PCDHA8: variants seen among roughly 807,000 people sequenced by gnomAD.
PCDHA8 encodes the protein protocadherin alpha 8.
A neutral mutation model predicts 61.8 loss-of-function variants in PCDHA8; 53 were observed. The ratio of observed to expected loss-of-function variants is 0.86; its 90% CI spans 0.69 to 1.08. PCDHA8 has a LOEUF of 1.08. PCDHA8 is among the 50% of genes least tolerant of loss of function. The pLI is 0.00. For synonymous variants in PCDHA8, 618 were observed against 556.6 expected (o/e 1.11, Z -1.55); for missense variants, 1,293 against 1,245.0 (o/e 1.04, Z -0.58).
intron 1 of PCDHA8, chr5:140,861,856 A>G (rs1225378019): frequency 1.3e-5 from 2 of 156,674 alleles, no homozygotes; most frequent in Admixed American, 1.3e-4. Context: ...TGGTGCTCAA[A>G]GCAACTGATG....
intron 1 of PCDHA8, among the ~76,000 whole-genome samples, chr5:140,909,874 T>G (rs778631778): frequency 2.6e-4 from 39 of 152,184 alleles, no homozygotes; most frequent in Admixed American, 5.2e-4. Context: ...CAACGTCAGC[T>G]TAGAGACACT....
chr5:140,929,398 AG>A, intron 1 of PCDHA8: 1 of 1,510,096 alleles, frequency 6.6e-7, no homozygotes, highest in Non-Finnish European at 8.9e-7. Flanking sequence ...AATATTTCTT[AG>A]ACAAGCCTTT....
At chr5:140,927,051 G>C (rs1554203978) in intron 1 of PCDHA8, 1 of 1,611,998 alleles carries the variant, frequency 6.2e-7, no homozygotes, top group Non-Finnish European at 8.5e-7. Flanking sequence ...TGTCCTCGCG[G>C]AACTTTCGCT....
chr5:140,860,428 T>C (rs1198179293), intron 1 of PCDHA8: 11 of 152,026 alleles, frequency 7.2e-5, no homozygotes, highest in Admixed American at 6.5e-4. Flanking sequence ...ATCCTGCAAA[T>C]ATGATCTTTT....
At position 140,935,795 on chromosome 5, in the gene PCDHA8, C is replaced by CTT. The variant is rs555560136; in HGVS notation, c.2395-43154_2395-43153insTT. ...GAGTTTTTTCACTTAAAAATATAAA[C>CTT]GAGATTATTTCATAGTAGTATAGTA... On this transcript the variant is annotated intron_variant, in intron 1 of 3. Coordinates refer to ENST00000531613, the MANE Select transcript of PCDHA8 (RefSeq NM_018911.3). 5.4e-3 allele frequency among the ~76,000 whole-genome samples: 824 copies of CTT among 151,876 alleles called. 3 individuals are homozygous for CTT. Among genetic ancestry groups the CTT allele is most frequent in the African/African-American group, 0.019 (793 of 41,436 alleles).
At chr5:140,917,337 G>GA (rs1240219857) in intron 1 of PCDHA8, among the ~76,000 whole-genome samples, 3 of 142,560 alleles carry the variant, frequency 2.1e-5, no homozygotes, top group Non-Finnish European at 4.7e-5. Context: ...GGGAGGGGGG[G>GA]GATGGTGTAG....
At chr5:140,852,582 A>ATT (rs2150518947) in intron 1 of PCDHA8, 15,949 of 691,778 alleles carry the variant, frequency 0.023, 320 homozygotes, top group Middle Eastern at 0.03. Context: ...AGGCTTTTTT[A>ATT]TTTTTTTTTT....
Position 140,855,963 on chromosome 5 carries a change from A to T in PCDHA8, c.2394+12248A>T, listed in dbSNP as rs1291137660. The stretch of plus-strand genomic sequence containing the variant: ...TCTCAGCCATTTCGATAAAAAATAG[A>T]TATAAGAAATAGGACAGAAAATGTC... On this transcript the variant is annotated intron_variant, in intron 1 of 3. Transcript: ENST00000531613. The T allele has an allele frequency of 2.8e-6, 4 of 1,404,280 alleles. No individual in the cohort carries two copies. In the African/African-American group the frequency reaches 5.7e-5, roughly 20 times the overall value. The allele number at this position is 1,404,280 out of a possible 1,614,324, so 87.0% of individuals were successfully genotyped here. A position where few individuals can be genotyped will look rare whatever the true frequency, so the allele number is the denominator to read the frequency against.
chr5:140,964,701 C>T (rs1228970267), intron 1 of PCDHA8, among the ~76,000 whole-genome samples: 2 of 151,776 alleles, frequency 1.3e-5, no homozygotes, highest in Non-Finnish European at 2.9e-5. Context: ...GAGATTAAGG[C>T]CTCCGAGATC....
At chr5:141,007,235 T>G (rs2098311065) in intron 3 of PCDHA8, among the ~76,000 whole-genome samples, 1 of 151,964 alleles carries the variant, frequency 6.6e-6, no homozygotes, top group Non-Finnish European at 1.5e-5. Context: ...GAAGGATTGT[T>G]GAGCTGAAGG....
At chr5:140,938,210 T>G (rs1355577102) in intron 1 of PCDHA8, among the ~76,000 whole-genome samples, 2 of 152,140 alleles carry the variant, frequency 1.3e-5, no homozygotes, top group East Asian at 3.8e-4. Flanking sequence ...CCTCCCAAAG[T>G]GCTGGGATTA....
At chr5:140,915,825 C>T (rs1272581051) in intron 1 of PCDHA8, among the ~76,000 whole-genome samples, 1 of 152,118 alleles carries the variant, frequency 6.6e-6, no homozygotes, top group Non-Finnish European at 1.5e-5. Flanking sequence ...GGCCCTAGGG[C>T]TCTAAGATCA....
intron 1 of PCDHA8, chr5:140,858,206 A>T (rs781984728): frequency 1.3e-6 from 2 of 1,593,038 alleles, no homozygotes; most frequent in Non-Finnish European, 1.7e-6. Flanking sequence ...CACTGCACTG[A>T]GGTGCTCGGC....
rs1554139099 is a variant in PCDHA8, at chr5:140,842,491, GC to G, written c.1174del (p.His392MetfsTer34). ...ANGQVTCSLM[P>X]HVPFKLVSTF... ...ACGGGCAGGTGACCTGCTCCCTGAT[GC>G]CCCATGTCCCCTTCAAGCTGGTGTC... On this transcript the variant is annotated frameshift_variant, in exon 1 of 4. Transcript: ENST00000531613. LOFTEE classifies it high-confidence loss of function. 2.5e-6 allele frequency: 4 copies of G among 1,613,896 alleles called. No homozygotes were observed. Among genetic ancestry groups the G allele is most frequent in the Non-Finnish European group, 3.4e-6 (4 of 1,179,830 alleles).
At chr5:140,875,772 G>A (rs781933974) in intron 1 of PCDHA8, 37 of 1,614,136 alleles carry the variant, frequency 2.3e-5, no homozygotes, top group South Asian at 3.3e-5. Flanking sequence ...GGCGGAGCGC[G>A]GAGTGCAGTA....
Position 141,009,718 on chromosome 5 carries a change from A to C in PCDHA8, c.2634A>C (p.Gln878His). The change falls in exon 4 of 4, where the codon CAA becomes CAC. Residue 878 changes from glutamine to histidine, a missense_variant. Coordinates refer to ENST00000531613, the MANE Select transcript of PCDHA8 (RefSeq NM_018911.3). Reference protein sequence around the residue: ...TFKYGPGNPKQSGPGELPDKF... With the variant: ...TFKYGPGNPKHSGPGELPDKF... Reference sequence around the variant, plus strand: ...AATACGGACCAGGCAACCCCAAACAATCCGGTCCCGGTGAGTTGCCCGACA... The same window carrying C: ...AATACGGACCAGGCAACCCCAAACACTCCGGTCCCGGTGAGTTGCCCGACA... 6.2e-7 allele frequency: 1 copy of C among 1,614,044 alleles called. No individual in the cohort carries two copies. Among genetic ancestry groups the C allele is most frequent in the Non-Finnish European group, 8.5e-7 (1 of 1,180,018 alleles).
intron 1 of PCDHA8, chr5:140,859,924 T>C (rs1554152837): frequency 6.6e-6 from 1 of 151,964 alleles, no homozygotes; most frequent in African/African-American, 2.4e-5. Flanking sequence ...ATAAGTAATA[T>C]AAAAAACTTA....
At chr5:141,004,497 T>C (rs2098168493) in intron 3 of PCDHA8, among the ~76,000 whole-genome samples, 1 of 152,218 alleles carries the variant, frequency 6.6e-6, no homozygotes, top group South Asian at 2.1e-4. Context: ...TTGGCAGTCC[T>C]GCTGTGAGGG....
intron 1 of PCDHA8, chr5:140,870,414 G>T: frequency 6.2e-7 from 1 of 1,614,230 alleles, no homozygotes; most frequent in Non-Finnish European, 8.5e-7. Context: ...TGTGGGCCAC[G>T]GCCAGGGTAT....
Sources: allele counts gnomAD v4.1 joint callset (sites outside exome capture counted in the v4.1 genomes callset), GRCh38; gene constraint gnomAD v4.1.1; transcripts MANE v1.5; gene names NCBI Gene and HGNC (gene_info 2026-07-23, HGNC 2026-07-21).